Variants in HORMAD2 observed in about 807,000 individuals in gnomAD.
HORMAD2 encodes HORMA domain-containing protein 2.
HORMAD2 carries 45 observed loss-of-function variants against 38.8 expected under a neutral mutation model. The observed-to-expected ratio is 1.16, with a 90% CI of 0.91 to 1.49. The LOEUF is 1.49. HORMAD2 is among the 40% of genes most tolerant of loss of function. HORMAD2 has a pLI of 0.00. For missense variants in HORMAD2, 338 were observed against 367.0 expected, an observed-to-expected ratio of 0.92 and a Z score of 0.65; for synonymous variants, 126 against 122.8, an observed-to-expected ratio of 1.03 and a Z score of -0.17.
At chr22:30,177,616 A>C (rs1274918119), downstream of HORMAD2, among the ~76,000 whole-genome samples, 1 of 150,650 alleles carries the variant, frequency 6.6e-6, no homozygotes. Flanking sequence ...ACATAAAGAG[A>C]TTAGCTGTCT....
intron 10 of HORMAD2, among the ~76,000 whole-genome samples, chr22:30,161,542 A>G (rs1351414381): frequency 2.0e-5 from 3 of 152,216 alleles, no homozygotes; most frequent in African/African-American, 7.2e-5. Context: ...AATTACTTCA[A>G]GTATGTGCTT....
intron 10 of HORMAD2, among the ~76,000 whole-genome samples, chr22:30,142,101 A>AAACC (rs530401982): frequency 6.6e-6 from 1 of 151,968 alleles, no homozygotes; most frequent in African/African-American, 2.4e-5. Flanking sequence ...AAACAACAAA[A>AAACC]AACCAACCAA....
the HORMAD2 span, among the ~76,000 whole-genome samples, chr22:30,191,835 T>C: frequency 1.3e-5 from 2 of 152,210 alleles, no homozygotes; most frequent in Non-Finnish European, 2.9e-5. Flanking sequence ...ATTCAAGATG[T>C]ATAAATGTTG....
At chr22:30,096,454 G>T (rs555806350) in intron 2 of HORMAD2, among the ~76,000 whole-genome samples, 2 of 151,434 alleles carry the variant, frequency 1.3e-5, no homozygotes, top group East Asian at 1.9e-4. Flanking sequence ...AGCCATTTTG[G>T]TGGGTGTGTA....
intron 10 of HORMAD2, among the ~76,000 whole-genome samples, chr22:30,161,641 T>C (rs565042607): frequency 3.3e-5 from 5 of 152,332 alleles, no homozygotes; most frequent in African/African-American, 1.2e-4. Context: ...AGAAAGTAAC[T>C]GACATTTTTC....
At chr22:30,150,779 C>A (rs188342363) in intron 10 of HORMAD2, among the ~76,000 whole-genome samples, 142 of 152,352 alleles carry the variant, frequency 9.3e-4, no homozygotes, top group South Asian at 4.3e-3. Flanking sequence ...AGGGTCTCTG[C>A]ATTCAGGCAT....
intron 7 of HORMAD2, among the ~76,000 whole-genome samples, chr22:30,114,267 T>C (rs1363058971): frequency 6.6e-6 from 1 of 152,202 alleles, no homozygotes; most frequent in Non-Finnish European, 1.5e-5. Flanking sequence ...TAGATAGTGA[T>C]GCCTAACCTC....
At chr22:30,196,552 C>A in the HORMAD2 span, among the ~76,000 whole-genome samples, 1 of 152,330 alleles carries the variant, frequency 6.6e-6, no homozygotes, top group South Asian at 2.1e-4. Context: ...TGTTGGCCAG[C>A]AGCTCAGATA....
chr22:30,174,396 G>T (rs963821735), intron 10 of HORMAD2, among the ~76,000 whole-genome samples: 3 of 152,062 alleles, frequency 2.0e-5, no homozygotes, highest in Non-Finnish European at 4.4e-5. Context: ...TATATAGTGT[G>T]TATATGTTAT....
At chr22:30,077,908 G>T (rs1355275954), upstream of HORMAD2, among the ~76,000 whole-genome samples, 1 of 152,138 alleles carries the variant, frequency 6.6e-6, no homozygotes, top group Non-Finnish European at 1.5e-5. Flanking sequence ...GTTCACTGAG[G>T]AACAGTTAAT....
intron 1 of HORMAD2, among the ~76,000 whole-genome samples, chr22:30,088,159 G>GTATACCTATGTATACATATATACATA (rs1209513110): frequency 8.5e-4 from 122 of 142,764 alleles, no homozygotes; most frequent in Middle Eastern, 3.7e-3. Flanking sequence ...ATGTATACAC[G>GTATACCTATGTATACATATATACATA]TATACCTATG....
intron 10 of HORMAD2, among the ~76,000 whole-genome samples, chr22:30,126,853 T>C (rs920749080): frequency 8.5e-5 from 13 of 152,232 alleles, no homozygotes; most frequent in Non-Finnish European, 1.8e-4. Flanking sequence ...CCCTTGGCGT[T>C]TTCCATCGTT....
chr22:30,127,475 G>C (rs1922964685), intron 10 of HORMAD2, among the ~76,000 whole-genome samples: 1 of 152,054 alleles, frequency 6.6e-6, no homozygotes, highest in East Asian at 1.9e-4. Flanking sequence ...CCAAAGTGCT[G>C]GGATTACAGG....
chr22:30,104,553 A>T, intron 5 of HORMAD2, 116 bp downstream of exon 5: 4 of 737,660 alleles, frequency 5.4e-6, no homozygotes, highest in Non-Finnish European at 8.8e-6. Flanking sequence ...CTACGTTTGC[A>T]TCCATAAACT....
intron 4 of HORMAD2, among the ~76,000 whole-genome samples, 193 bp downstream of exon 4, chr22:30,103,693 C>T (rs1368956587): frequency 2.2e-5 from 2 of 90,140 alleles, no homozygotes; most frequent in Non-Finnish European, 3.7e-5. Flanking sequence ...GATGGAGTCT[C>T]GCTCTGTCCC....
At chr22:30,083,231 C>T (rs1358085322) in intron 1 of HORMAD2, among the ~76,000 whole-genome samples, 1 of 152,184 alleles carries the variant, frequency 6.6e-6, no homozygotes, top group Admixed American at 6.5e-5. Context: ...TGCGCCACTG[C>T]ATTCCTGCCT....
Position 30,133,922 on chromosome 22 carries a change from G to A in HORMAD2, c.819+11708G>A, listed in dbSNP as rs538510973. 2.6e-5 allele frequency among the ~76,000 whole-genome samples: 4 copies of A among 152,158 alleles called. No homozygotes were observed. The South Asian group carries it at 6.2e-4, about 24-fold the overall frequency. On this transcript the variant is annotated intron_variant, in intron 10 of 10. Coordinates refer to ENST00000336726, the MANE Select transcript of HORMAD2 (RefSeq NM_152510.4). ...GTGTGCCCTGAAACCAATTCCTCAT[G>A]GATACAGAGGGATGACTGTATACTT...
chr22:30,152,590 CAA>C (rs1267766996), intron 10 of HORMAD2, among the ~76,000 whole-genome samples: 1 of 152,204 alleles, frequency 6.6e-6, no homozygotes, highest in Non-Finnish European at 1.5e-5. Context: ...CTCACCCTCT[CAA>C]AGTGTTGGGA....
At chr22:30,189,102 CAAA>C in the HORMAD2 span, among the ~76,000 whole-genome samples, 2 of 109,036 alleles carry the variant, frequency 1.8e-5, no homozygotes, top group Non-Finnish European at 2.0e-5. Context: ...GAGCCTGCCT[CAAA>C]AAAAAAAAAA....
Sources: allele counts gnomAD v4.1 joint callset (sites outside exome capture counted in the v4.1 genomes callset), GRCh38; gene constraint gnomAD v4.1.1; transcripts MANE v1.5; gene names NCBI Gene and HGNC (gene_info 2026-07-23, HGNC 2026-07-21).